RANBP2: variants seen among roughly 807,000 people sequenced by gnomAD.
RANBP2 encodes RAN binding protein 2.
In RANBP2, 57 loss-of-function variants were observed where a neutral mutation model predicts 303.6. The observed-to-expected ratio is 0.19, with a 90% confidence interval of 0.15 to 0.23. RANBP2 has a LOEUF of 0.23. Among genes scored for constraint, RANBP2 ranks in the 10% least tolerant of loss-of-function variants. RANBP2 has a pLI of 1.00. For missense variants in RANBP2, 3,138 were observed against 3,780.8 expected (o/e 0.83, Z 4.46); for synonymous variants, 1,167 against 1,301.5 (o/e 0.90, Z 2.23).
At chr2:108,874,676 T>C in the RANBP2 span, among the ~76,000 whole-genome samples, 1 of 152,198 alleles carries the variant, frequency 6.6e-6, no homozygotes, top group South Asian at 2.1e-4. Flanking sequence ...CCATATGTTC[T>C]ATTTGGTAAC....
At chr2:109,625,580 C>T in the RANBP2 span, among the ~76,000 whole-genome samples, 1 of 151,590 alleles carries the variant, frequency 6.6e-6, no homozygotes, top group Non-Finnish European at 1.5e-5. Flanking sequence ...GAAGGAGAAT[C>T]GCTTGAACTC....
chr2:109,471,368 G>A, the RANBP2 span, among the ~76,000 whole-genome samples: 4 of 152,156 alleles, frequency 2.6e-5, no homozygotes, highest in East Asian at 3.8e-4. Context: ...TCACAAGGCG[G>A]CAGGAGAGAG....
the RANBP2 span, among the ~76,000 whole-genome samples, chr2:109,726,675 C>T: frequency 3.3e-5 from 5 of 152,046 alleles, no homozygotes; most frequent in South Asian, 1.0e-3. Context: ...TTAGTTTTTG[C>T]GTTTTACATT....
the RANBP2 span, among the ~76,000 whole-genome samples, chr2:109,161,302 A>G: frequency 0.029 from 4,475 of 152,202 alleles, 101 homozygotes; most frequent in Non-Finnish European, 0.046. Flanking sequence ...AGGAGTGTGT[A>G]GGAAGACAAG....
the RANBP2 span, among the ~76,000 whole-genome samples, chr2:109,003,004 G>A: frequency 6.6e-6 from 1 of 151,826 alleles, no homozygotes. Flanking sequence ...TCAGGAGTTC[G>A]AGACCATCCT....
At chr2:109,103,052 C>T in the RANBP2 span, among the ~76,000 whole-genome samples, 4 of 152,290 alleles carry the variant, frequency 2.6e-5, no homozygotes, top group East Asian at 7.7e-4. Flanking sequence ...AAGAAAGTAA[C>T]ATTTACTGAG....
chr2:109,076,768 C>A, the RANBP2 span, among the ~76,000 whole-genome samples: 1 of 150,414 alleles, frequency 6.6e-6, no homozygotes, highest in African/African-American at 2.4e-5. Context: ...GGAACGATAT[C>A]TCATCTTAAT....
the RANBP2 span, among the ~76,000 whole-genome samples, chr2:109,253,626 T>G: frequency 7.2e-5 from 11 of 152,216 alleles, no homozygotes; most frequent in African/African-American, 2.4e-4. Flanking sequence ...TAGCCTGTGC[T>G]TGGGGCTGTG....
At chr2:109,089,369 G>A in the RANBP2 span, among the ~76,000 whole-genome samples, 1 of 151,956 alleles carries the variant, frequency 6.6e-6, no homozygotes, top group African/African-American at 2.4e-5. Context: ...TTGGGAGGCC[G>A]AAGTGGGAGG....
the RANBP2 span, among the ~76,000 whole-genome samples, chr2:109,098,471 T>C: frequency 7.9e-5 from 12 of 152,204 alleles, no homozygotes; most frequent in African/African-American, 2.7e-4. Flanking sequence ...AAGCAGAACC[T>C]GATGGTCACT....
the RANBP2 span, among the ~76,000 whole-genome samples, chr2:109,680,503 T>A: frequency 6.6e-6 from 1 of 152,224 alleles, no homozygotes; most frequent in Non-Finnish European, 1.5e-5. Flanking sequence ...CATCCCTGTG[T>A]CTCATGTGTA....
chr2:109,553,747 G>A, the RANBP2 span, among the ~76,000 whole-genome samples: 3 of 151,810 alleles, frequency 2.0e-5, no homozygotes, highest in Non-Finnish European at 4.4e-5. Context: ...CCAGCTACAC[G>A]GGAGGCTGAG....
At chr2:108,934,618 G>A in the RANBP2 span, among the ~76,000 whole-genome samples, 12 of 152,264 alleles carry the variant, frequency 7.9e-5, no homozygotes, top group East Asian at 1.7e-3. Flanking sequence ...GGCTGCATCC[G>A]GTGAGAGCCT....
chr2:108,774,544 A>ATT (rs1677738978), intron 23 of RANBP2, among the ~76,000 whole-genome samples: 5 of 152,214 alleles, frequency 3.3e-5, no homozygotes, highest in African/African-American at 1.2e-4. Context: ...TTTCTGGAAG[A>ATT]GACTTGGTTG....
the RANBP2 span, among the ~76,000 whole-genome samples, chr2:109,729,222 C>A: frequency 6.6e-6 from 1 of 152,160 alleles, no homozygotes; most frequent in Admixed American, 6.6e-5. Flanking sequence ...GAGAAAGGAA[C>A]TCTATTTTGT....
At chr2:109,114,883 G>A in the RANBP2 span, among the ~76,000 whole-genome samples, 2 of 152,098 alleles carry the variant, frequency 1.3e-5, no homozygotes, top group Admixed American at 1.3e-4. Context: ...CCTTCATTTC[G>A]TTATGTACCC....
chr2:109,148,191 C>T, the RANBP2 span, among the ~76,000 whole-genome samples: 1 of 152,236 alleles, frequency 6.6e-6, no homozygotes, highest in Non-Finnish European at 1.5e-5. Context: ...CTGGCTCTCC[C>T]ACCTGCCTGC....
the RANBP2 span, among the ~76,000 whole-genome samples, chr2:109,663,838 G>A: frequency 6.6e-6 from 1 of 152,184 alleles, no homozygotes; most frequent in African/African-American, 2.4e-5. Flanking sequence ...GAGAACAGAC[G>A]TGTCTAGGAG....
the RANBP2 span, among the ~76,000 whole-genome samples, chr2:109,063,578 T>C: frequency 6.6e-6 from 1 of 152,190 alleles, no homozygotes; most frequent in African/African-American, 2.4e-5. Flanking sequence ...TCTTGCTCAA[T>C]GGCTGTAGAA....
Sources: allele counts gnomAD v4.1 joint callset (sites outside exome capture counted in the v4.1 genomes callset), GRCh38; gene constraint gnomAD v4.1.1; transcripts MANE v1.5; gene names NCBI Gene and HGNC (gene_info 2026-07-23, HGNC 2026-07-21).